Variants in MAGI2 observed in about 807,000 individuals in gnomAD.
MAGI2 encodes membrane-associated guanylate kinase, WW and PDZ domain-containing protein 2.
MAGI2 carries 35 observed loss-of-function variants against 133.3 expected under a neutral mutation model. The ratio of observed to expected loss-of-function variants is 0.26; its 90% confidence interval spans 0.20 to 0.35. MAGI2 has a LOEUF of 0.35. Ranked by LOEUF, MAGI2 falls within the 10% of genes least tolerant of loss-of-function variation. MAGI2 has a pLI of 1.00. For missense variants in MAGI2, 1,636 were observed against 1,863.4 expected (o/e 0.88, Z 2.25); for synonymous variants, 729 against 710.6 (o/e 1.03, Z -0.41).
At chr7:78,691,811 G>A (rs1213975210) in intron 2 of MAGI2, among the ~76,000 whole-genome samples, 1 of 152,114 alleles carries the variant, frequency 6.6e-6, no homozygotes, top group South Asian at 2.1e-4. Flanking sequence ...TACCCTGTAT[G>A]ACACTATAAT....
chr7:78,593,693 G>A (rs1468661334), intron 3 of MAGI2, among the ~76,000 whole-genome samples: 1 of 152,138 alleles, frequency 6.6e-6, no homozygotes, highest in Non-Finnish European at 1.5e-5. Context: ...ATTATTTGGG[G>A]CTTGGTGTCT....
At chr7:78,061,951 A>C (rs1584981782) in intron 21 of MAGI2, among the ~76,000 whole-genome samples, 1 of 152,348 alleles carries the variant, frequency 6.6e-6, no homozygotes, top group East Asian at 1.9e-4. Context: ...CAGATTTTAA[A>C]ATGCAGTATG....
Position 78,248,508 on chromosome 7 carries a change from T to C in MAGI2, c.2047+7435A>G, listed in dbSNP as rs1231827685. On this transcript the variant is annotated intron_variant, in intron 10 of 21. Coordinates refer to ENST00000354212, the MANE Select transcript of MAGI2 (RefSeq NM_012301.4). ...TAGTTTAAAAAACAAGATCCAACTATATGCTGCTTACAAGAGACTCACATT... is the reference window on the plus strand; with the variant it reads ...TAGTTTAAAAAACAAGATCCAACTACATGCTGCTTACAAGAGACTCACATT... Among the ~76,000 whole-genome samples the C allele has an allele frequency of 2.6e-5, 4 of 152,242 alleles. No individual in the cohort carries two copies. The South Asian group carries it at 6.2e-4, about 24-fold the overall frequency.
chr7:78,714,067 G>A (rs191641505), intron 2 of MAGI2, among the ~76,000 whole-genome samples: 2 of 110,504 alleles, frequency 1.8e-5, no homozygotes, highest in East Asian at 5.4e-4. Context: ...TATGTGTTGT[G>A]GGGGGAAGAG....
chr7:78,272,793 G>A (rs1464768703), intron 9 of MAGI2, among the ~76,000 whole-genome samples: 1 of 151,966 alleles, frequency 6.6e-6, no homozygotes, highest in East Asian at 1.9e-4. Context: ...CATTTGCTTG[G>A]TAAATATTCC....
intron 2 of MAGI2, among the ~76,000 whole-genome samples, chr7:78,867,747 T>A (rs1350382247): frequency 6.6e-6 from 1 of 151,934 alleles, no homozygotes; most frequent in African/African-American, 2.4e-5. Context: ...GTGGTGATTG[T>A]CATGGTGGGA....
intron 2 of MAGI2, among the ~76,000 whole-genome samples, chr7:78,760,962 C>A (rs1824450143): frequency 6.6e-6 from 1 of 152,212 alleles, no homozygotes; most frequent in African/African-American, 2.4e-5. Flanking sequence ...TGAATGCCTA[C>A]AATGTGCCAA....
In MAGI2 at chr7:78,019,916, A is replaced by G. The variant is rs1222027431; in HGVS notation, c.3767T>C (p.Val1256Ala). 2 of 1,610,092 alleles carry G rather than the reference A, an allele frequency of 1.2e-6. No individual in the cohort carries two copies. Among genetic ancestry groups the G allele is most frequent in the African/African-American group, 2.7e-5 (2 of 74,830 alleles). Residue 1256 changes from valine (V) to alanine (A), a missense_variant, in exon 22 of 22, where the codon GTC (valine) becomes GCC (alanine). Transcript: ENST00000354212. ...AAAPGLPEVG[V>A]SLDDGLAPFS... The stretch of plus-strand genomic sequence containing the variant: ...TGGAGCGAGGCCGTCGTCCAGGGAG[A>G]CGCCTACTTCCGGCAGACCTGGGGC...
intron 1 of MAGI2, among the ~76,000 whole-genome samples, chr7:79,034,878 T>G (rs1159903889): frequency 6.6e-6 from 1 of 152,216 alleles, no homozygotes; most frequent in East Asian, 1.9e-4. Context: ...TTAACTGCTC[T>G]CTAATTTTGT....
At chr7:78,612,836 A>AT (rs1052033272) in intron 3 of MAGI2, among the ~76,000 whole-genome samples, 9 of 149,700 alleles carry the variant, frequency 6.0e-5, no homozygotes, top group Non-Finnish European at 1.0e-4. Context: ...CGCCCGGCTA[A>AT]TTTTTTTGTA....
chr7:79,395,007 G>GA (rs1475575335), intron 1 of MAGI2, among the ~76,000 whole-genome samples: 1 of 152,082 alleles, frequency 6.6e-6, no homozygotes, highest in African/African-American at 2.4e-5. Context: ...GAAATTCTGA[G>GA]AAAAAATTCA....
chr7:78,286,325 CTCA>C (rs1342392178), intron 9 of MAGI2, among the ~76,000 whole-genome samples: 11 of 152,160 alleles, frequency 7.2e-5, no homozygotes, highest in African/African-American at 2.4e-4. Context: ...CTGTAAGAAG[CTCA>C]TCATCTACTA....
chr7:78,663,422 G>A (rs1448137690), intron 2 of MAGI2, among the ~76,000 whole-genome samples: 1 of 151,882 alleles, frequency 6.6e-6, no homozygotes, highest in Non-Finnish European at 1.5e-5. Flanking sequence ...GGCCAGGATG[G>A]TCTCAATCTC....
chr7:78,179,629 T>C (rs1295621856), intron 13 of MAGI2, among the ~76,000 whole-genome samples: 2 of 152,226 alleles, frequency 1.3e-5, no homozygotes, highest in African/African-American at 4.8e-5. Flanking sequence ...TACCCTTTTA[T>C]GACCAAATGC....
intron 2 of MAGI2, among the ~76,000 whole-genome samples, chr7:78,945,036 G>A (rs911793340): frequency 4.6e-5 from 7 of 151,760 alleles, no homozygotes; most frequent in African/African-American, 1.7e-4. Context: ...ACTGTGCCCA[G>A]CCTCATTATT....
intron 9 of MAGI2, 87 bp from the exon 10 acceptor site, chr7:78,256,668 A>T: frequency 9.0e-7 from 1 of 1,116,024 alleles, no homozygotes; most frequent in Non-Finnish European, 1.3e-6. Context: ...GACTAGTGAG[A>T]GGTGTTGTTT....
chr7:78,453,126 GC>G (rs1291084655), intron 6 of MAGI2, among the ~76,000 whole-genome samples: 1 of 152,096 alleles, frequency 6.6e-6, no homozygotes, highest in Admixed American at 6.6e-5. Flanking sequence ...CAATGTCACA[GC>G]TCTCCTGACT....
rs1802545438 is a variant in MAGI2, at chr7:78,958,017, C to T, written c.418+49073G>A. Among the ~76,000 whole-genome samples the T allele has an allele frequency of 2.0e-5, 3 of 152,100 alleles. No individual in the cohort carries two copies. In the South Asian group the frequency reaches 6.2e-4, roughly 32 times the overall value. ...GTAAGACCCCTGTTCTTTTGAGTAT[C>T]TTTTCTCCGACTAAGCCACCCAATT... On this transcript the variant is annotated intron_variant, in intron 2 of 21. Coordinates refer to ENST00000354212, the MANE Select transcript of MAGI2 (RefSeq NM_012301.4).
chr7:78,704,790 T>C (rs78814212), intron 2 of MAGI2, among the ~76,000 whole-genome samples: 7 of 32,980 alleles, frequency 2.1e-4, no homozygotes, highest in African/African-American at 5.4e-4. Context: ...TTTTTTTTTT[T>C]TTTTTTCTGA....
Sources: gnomAD v4.1 joint callset for allele counts (sites outside exome capture counted in the v4.1 genomes callset) on GRCh38, gnomAD v4.1.1 for gene constraint, MANE v1.5 for transcripts, NCBI Gene and HGNC (gene_info 2026-07-23, HGNC 2026-07-21) for gene names.